The following STXBP5L variants were observed in gnomAD, a reference collection of about 807,000 sequenced individuals.
The protein encoded by STXBP5L is syntaxin binding protein 5L.
In STXBP5L, 65 loss-of-function variants were observed where a neutral mutation model predicts 144.5. The ratio of observed to expected loss-of-function variants is 0.45; its 90% CI spans 0.37 to 0.55. The LOEUF is 0.55. STXBP5L is among the 20% of genes least tolerant of loss of function. STXBP5L has a pLI of 0.00. For synonymous variants in STXBP5L, 505 were observed against 469.6 expected, an observed-to-expected ratio of 1.08 and a Z score of -0.97; for missense variants, 1,298 against 1,405.5, an observed-to-expected ratio of 0.92 and a Z score of 1.22.
At chr3:120,982,129 C>T (rs1044435740) in intron 3 of STXBP5L, among the ~76,000 whole-genome samples, 1 of 152,160 alleles carries the variant, frequency 6.6e-6, no homozygotes, top group African/African-American at 2.4e-5. Flanking sequence ...TGCAGTTCAA[C>T]CCCCAAGCTA....
intron 5 of STXBP5L, among the ~76,000 whole-genome samples, chr3:121,077,274 T>G (rs2107680055): frequency 6.6e-6 from 1 of 152,312 alleles, no homozygotes; most frequent in African/African-American, 2.4e-5. Flanking sequence ...AATCAAAGAC[T>G]GGAGATGTGT....
chr3:121,408,854 G>C (rs1224146804), intron 23 of STXBP5L, among the ~76,000 whole-genome samples: 1 of 151,904 alleles, frequency 6.6e-6, no homozygotes, highest in Non-Finnish European at 1.5e-5. Flanking sequence ...GTTATGAACA[G>C]TAATGGAAGT....
chr3:121,217,883 G>A (rs2048834027), intron 10 of STXBP5L, among the ~76,000 whole-genome samples: 1 of 151,048 alleles, frequency 6.6e-6, no homozygotes, highest in African/African-American at 2.4e-5. Flanking sequence ...CTATTTTATT[G>A]CTTGGAGGTC....
intron 5 of STXBP5L, among the ~76,000 whole-genome samples, chr3:121,052,055 C>A (rs925720148): frequency 6.6e-6 from 1 of 152,170 alleles, no homozygotes; most frequent in African/African-American, 2.4e-5. Flanking sequence ...TCTGAATAGA[C>A]CAATAAGAGG....
intron 7 of STXBP5L, among the ~76,000 whole-genome samples, chr3:121,134,004 G>A (rs764848158): frequency 3.3e-5 from 5 of 152,178 alleles, no homozygotes; most frequent in Non-Finnish European, 7.3e-5. Context: ...TGAGATTTGG[G>A]TGGGGACACA....
At chr3:121,120,657 T>G (rs1286931601) in intron 6 of STXBP5L, among the ~76,000 whole-genome samples, 1 of 151,266 alleles carries the variant, frequency 6.6e-6, no homozygotes, top group Non-Finnish European at 1.5e-5. Context: ...TTGGTAACTC[T>G]GAGGAGTCAG....
intron 14 of STXBP5L, among the ~76,000 whole-genome samples, chr3:121,244,130 A>T (rs193002197): frequency 6.6e-6 from 1 of 152,232 alleles, no homozygotes; most frequent in Admixed American, 6.5e-5. Flanking sequence ...ATCTTAAAGA[A>T]ACTCAATATA....
At position 120,983,140 on chromosome 3, in the gene STXBP5L, G is replaced by T. The variant is rs529768998; in HGVS notation, c.287+28103G>T. The stretch of plus-strand genomic sequence containing the variant: ...GCATATGAAAGTGCCTGACCTGCCT[G>T]CTTCTTTCTGGCCTGAGGGTGGCAG... On this transcript the variant is annotated intron_variant, in intron 3 of 26. Coordinates refer to ENST00000471454, the MANE Select transcript of STXBP5L (RefSeq NM_001308330.2). Among the ~76,000 whole-genome samples, 6 of 152,312 alleles carry T rather than the reference G, an allele frequency of 3.9e-5. No individual in the cohort carries two copies. In the South Asian group the frequency reaches 1.2e-3, roughly 32 times the overall value.
chr3:121,047,912 A>C (rs892683936), intron 5 of STXBP5L, among the ~76,000 whole-genome samples: 1 of 151,994 alleles, frequency 6.6e-6, no homozygotes, highest in Non-Finnish European at 1.5e-5. Flanking sequence ...GCTATTGTGC[A>C]TACTTGTTTG....
chr3:120,954,845 C>A, intron 2 of STXBP5L, 95 bp from the exon 3 acceptor site: 7 of 910,410 alleles, frequency 7.7e-6, no homozygotes, highest in South Asian at 2.4e-5. Context: ...TTCCTTTAAA[C>A]TAATTTTAGA....
chr3:120,934,793 A>G (rs1015832850), intron 2 of STXBP5L, among the ~76,000 whole-genome samples: 5 of 152,082 alleles, frequency 3.3e-5, no homozygotes, highest in African/African-American at 1.2e-4. Flanking sequence ...ATTTGGCATT[A>G]TCTGAAATTA....
intron 3 of STXBP5L, among the ~76,000 whole-genome samples, chr3:121,031,620 A>G (rs1419622813): frequency 1.3e-5 from 2 of 152,094 alleles, no homozygotes; most frequent in African/African-American, 4.8e-5. Flanking sequence ...CATATTATGA[A>G]GGGTAACCTG....
intron 5 of STXBP5L, among the ~76,000 whole-genome samples, chr3:121,070,339 G>T (rs142592787): frequency 6.6e-6 from 1 of 152,324 alleles, no homozygotes; most frequent in East Asian, 1.9e-4. Flanking sequence ...AACTCACTGG[G>T]CCTCTAATAA....
At chr3:121,161,315 G>A (rs1333790634) in intron 9 of STXBP5L, among the ~76,000 whole-genome samples, 2 of 151,106 alleles carry the variant, frequency 1.3e-5, no homozygotes, top group Non-Finnish European at 3.0e-5. Flanking sequence ...CTTTGTGTGG[G>A]CATGTGTGTT....
intron 3 of STXBP5L, among the ~76,000 whole-genome samples, chr3:120,970,521 T>G (rs893710111): frequency 6.6e-6 from 1 of 152,178 alleles, no homozygotes; most frequent in Non-Finnish European, 1.5e-5. Context: ...CAGCAGGATT[T>G]CTGCTGAGAA....
At chr3:121,263,526 G>A (rs781674575) in intron 18 of STXBP5L, among the ~76,000 whole-genome samples, 6 of 152,158 alleles carry the variant, frequency 3.9e-5, no homozygotes, top group Non-Finnish European at 8.8e-5. Flanking sequence ...ACTCCTCTGA[G>A]CTAAAGGAGC....
At chr3:121,017,071 C>A (rs943925053) in intron 3 of STXBP5L, among the ~76,000 whole-genome samples, 1 of 151,938 alleles carries the variant, frequency 6.6e-6, no homozygotes, top group African/African-American at 2.4e-5. Context: ...CAACAATGTA[C>A]AAAAAGAATT....
intron 3 of STXBP5L, among the ~76,000 whole-genome samples, chr3:121,021,489 A>G (rs1945549167): frequency 6.6e-6 from 1 of 152,200 alleles, no homozygotes; most frequent in African/African-American, 2.4e-5. Flanking sequence ...CATATGGAAC[A>G]TTCTCCAAGA....
At chr3:121,332,222 C>T (rs184506585) in intron 20 of STXBP5L, among the ~76,000 whole-genome samples, 19 of 151,844 alleles carry the variant, frequency 1.3e-4, no homozygotes, top group Admixed American at 2.0e-4. Context: ...AAAGATCATA[C>T]TAGGTCTTCC....
Sources: gnomAD v4.1 joint callset for allele counts (sites outside exome capture counted in the v4.1 genomes callset) on GRCh38, gnomAD v4.1.1 for gene constraint, MANE v1.5 for transcripts, NCBI Gene and HGNC (gene_info 2026-07-23, HGNC 2026-07-21) for gene names.